Variants in CLVS1 observed in about 807,000 individuals in gnomAD.
The protein encoded by CLVS1 is clavesin-1.
Under a neutral mutation model 33.1 loss-of-function variants are expected in CLVS1, and 10 were observed. The ratio of observed to expected loss-of-function variants is 0.30; its 90% CI spans 0.19 to 0.51. The LOEUF (loss-of-function observed/expected upper bound fraction) is 0.51. CLVS1 is among the 20% of genes least tolerant of loss of function. CLVS1 has a pLI of 0.97. For synonymous variants in CLVS1, 163 were observed against 166.1 expected, an observed-to-expected ratio of 0.98 and a Z score of 0.14; for missense variants, 343 against 433.4, an observed-to-expected ratio of 0.79 and a Z score of 1.85.
chr8:61,038,549 T>C, the CLVS1 span, among the ~76,000 whole-genome samples: 1 of 151,822 alleles, frequency 6.6e-6, no homozygotes, highest in African/African-American at 2.4e-5. Context: ...AAGTCTTAAG[T>C]CAGGCAATTT....
At chr8:61,250,345 G>A (rs1370300350) in intron 2 of CLVS1, among the ~76,000 whole-genome samples, 1 of 152,148 alleles carries the variant, frequency 6.6e-6, no homozygotes, top group Non-Finnish European at 1.5e-5. Flanking sequence ...TTGAAGTCAG[G>A]TAGCATGATG....
intron 1 of CLVS1, among the ~76,000 whole-genome samples, chr8:61,094,890 G>A (rs6994319): frequency 0.013 from 1,993 of 152,280 alleles, 51 homozygotes; most frequent in African/African-American, 0.045. Context: ...GGCAGCCCTA[G>A]CAGACTAACA....
At chr8:61,241,255 G>A (rs962847710) in intron 2 of CLVS1, among the ~76,000 whole-genome samples, 1 of 152,082 alleles carries the variant, frequency 6.6e-6, no homozygotes, top group Non-Finnish European at 1.5e-5. Context: ...TCTTATGAAT[G>A]AATTTGAATT....
intron 3 of CLVS1, among the ~76,000 whole-genome samples, chr8:61,412,128 T>C (rs1342874658): frequency 2.0e-5 from 3 of 152,200 alleles, no homozygotes; most frequent in Non-Finnish European, 4.4e-5. Flanking sequence ...CCACACTAGG[T>C]CCTGGGGATA....
At chr8:61,477,480 G>A (rs1817997180) in intron 5 of CLVS1, among the ~76,000 whole-genome samples, 2 of 152,212 alleles carry the variant, frequency 1.3e-5, no homozygotes, top group Admixed American at 1.3e-4. Flanking sequence ...TTCAGAGCCT[G>A]TTATTGGTCT....
At chr8:61,065,293 T>C (rs1022879861) in intron 1 of CLVS1, among the ~76,000 whole-genome samples, 1 of 152,192 alleles carries the variant, frequency 6.6e-6, no homozygotes, top group African/African-American at 2.4e-5. Context: ...TAGGGAAAAA[T>C]GACAAGAAAA....
the CLVS1 span, among the ~76,000 whole-genome samples, chr8:61,015,136 T>C: frequency 6.6e-6 from 1 of 152,216 alleles, no homozygotes; most frequent in East Asian, 1.9e-4. Context: ...GAAAGAACAT[T>C]TGTGGTTTGG....
chr8:61,392,553 C>T (rs920731962), intron 3 of CLVS1, among the ~76,000 whole-genome samples: 2 of 152,124 alleles, frequency 1.3e-5, no homozygotes, highest in Non-Finnish European at 1.5e-5. Context: ...AAAATCTTAT[C>T]CCTCACTTAT....
intron 1 of CLVS1, among the ~76,000 whole-genome samples, 177 bp from the exon 2 acceptor site, chr8:61,299,500 A>G (rs1423168598): frequency 6.6e-6 from 1 of 152,180 alleles, no homozygotes; most frequent in African/African-American, 2.4e-5. Context: ...GTTGTCTATA[A>G]TCAACTTTTG....
chr8:60,982,107 C>A, the CLVS1 span, among the ~76,000 whole-genome samples: 1 of 152,174 alleles, frequency 6.6e-6, no homozygotes, highest in African/African-American at 2.4e-5. Context: ...ACATTCATGC[C>A]ACGAATGAGA....
chr8:61,170,706 G>A (rs1405654360), intron 2 of CLVS1, among the ~76,000 whole-genome samples: 1 of 152,168 alleles, frequency 6.6e-6, no homozygotes, highest in Non-Finnish European at 1.5e-5. Context: ...ACTGATGTGA[G>A]AACCTCATGG....
chr8:61,269,322 G>C (rs1452068153), intron 2 of CLVS1, among the ~76,000 whole-genome samples: 1 of 152,218 alleles, frequency 6.6e-6, no homozygotes, highest in Non-Finnish European at 1.5e-5. Flanking sequence ...AGATCAGATA[G>C]TTGTAGATGT....
chr8:61,300,501 A>G (rs372343799), intron 2 of CLVS1: 1 of 456,680 alleles, frequency 2.2e-6, no homozygotes, highest in African/African-American at 2.0e-5. Flanking sequence ...CTTAGAAGTC[A>G]TTATTCTTTT....
chr8:61,270,445 T>A lies in CLVS1; in HGVS notation c.-151-29232T>A, dbSNP rs1449156516. Among the ~76,000 whole-genome samples the A allele has an allele frequency of 3.3e-5, 5 of 152,254 alleles. No individual in the cohort carries two copies. The East Asian group carries it at 9.6e-4, about 29-fold the overall frequency. ...ATTTTATTGAGGATTTTTGCATCAA[T>A]GTTCATCAAGGATATTGGTCTAAAA... On this transcript the variant is annotated intron_variant, in intron 2 of 2. Transcript: ENST00000522621.
rs1188366643 is a variant in CLVS1, at chr8:61,246,167, C to CTTTTT, written c.-151-53485_-151-53481dup. Among the ~76,000 whole-genome samples, 175 of 82,240 alleles carry CTTTTT rather than the reference C, an allele frequency of 2.1e-3. 20 individuals are homozygous for CTTTTT. Among genetic ancestry groups the CTTTTT allele is most frequent in the African/African-American group, 5.3e-3 (116 of 21,752 alleles). The allele number at this position is 82,240 out of a possible 152,430, so 54.0% of individuals were successfully genotyped here. On this transcript the variant is annotated intron_variant, in intron 2 of 2. Transcript: ENST00000522621. ...AAACCCTTTTTCTCTTCCTTCCCAACTTTTTTTTTTTTTTTTTTTTTTTTT... is the reference window on the plus strand; with the variant it reads ...AAACCCTTTTTCTCTTCCTTCCCAACTTTTTTTTTTTTTTTTTTTTTTTTTTTTTT...
At chr8:61,064,109 G>A (rs534847676) in intron 1 of CLVS1, among the ~76,000 whole-genome samples, 1 of 152,106 alleles carries the variant, frequency 6.6e-6, no homozygotes, top group African/African-American at 2.4e-5. Flanking sequence ...ACCACATTTT[G>A]TTTACCCATC....
rs1563583599 is a variant in CLVS1, at chr8:61,499,631, C to CGT, written c.*94_*95dup. On this transcript the variant is annotated 3_prime_UTR_variant, in exon 6 of 6. Coordinates refer to ENST00000325897, the MANE Select transcript of CLVS1 (RefSeq NM_173519.3). ...CATGCACAACTGACCCATGCAGACA[C>CGT]GTGTGTTCTGCTTGACACAAGGTCC... is the stretch of plus-strand genomic sequence containing the variant. 1 of 885,530 alleles carries CGT rather than the reference C, an allele frequency of 1.1e-6. No homozygotes were observed. Among genetic ancestry groups the CGT allele is most frequent in the Non-Finnish European group, 1.9e-6 (1 of 538,912 alleles). The allele number at this position is 885,530 out of a possible 1,614,324, so 54.9% of individuals were successfully genotyped here.
intron 2 of CLVS1, among the ~76,000 whole-genome samples, chr8:61,373,302 C>T (rs1813513404): frequency 6.6e-6 from 1 of 152,210 alleles, no homozygotes; most frequent in Non-Finnish European, 1.5e-5. Flanking sequence ...CAACTCTTTC[C>T]TGCCTGCCCA....
Position 61,484,230 on chromosome 8 carries a change from G to T in CLVS1, c.978-15225G>T, listed in dbSNP as rs375370590. On this transcript the variant is annotated intron_variant, in intron 5 of 5. Coordinates refer to ENST00000325897, the MANE Select transcript of CLVS1 (RefSeq NM_173519.3). ...GCCCTAAATCTCCTTAAGTTGATAA[G>T]CAACTTCAGCAAAGTCTCAGGATAC... 4.6e-5 allele frequency among the ~76,000 whole-genome samples: 7 copies of T among 152,252 alleles called. No individual in the cohort carries two copies. The East Asian group carries it at 9.6e-4, about 21-fold the overall frequency.
Sources: gnomAD v4.1 joint callset for allele counts (sites outside exome capture counted in the v4.1 genomes callset) on GRCh38, gnomAD v4.1.1 for gene constraint, MANE v1.5 for transcripts, NCBI Gene and HGNC (gene_info 2026-07-23, HGNC 2026-07-21) for gene names.